ARGLU1: variants seen among roughly 807,000 people sequenced by gnomAD.
ARGLU1 encodes arginine and glutamate-rich protein 1.
Under a neutral mutation model 37.6 loss-of-function variants are expected in ARGLU1, and 9 were observed. The ratio of observed to expected loss-of-function variants is 0.24; its 90% confidence interval spans 0.14 to 0.42. The LOEUF is 0.42. Among genes scored for constraint, ARGLU1 ranks in the 10% least tolerant of loss-of-function variants. The pLI, the probability that ARGLU1 is intolerant of heterozygous loss-of-function variation, is 1.00. For synonymous variants in ARGLU1, 166 were observed against 138.5 expected (o/e 1.20, Z -1.39); for missense variants, 211 against 359.2 (o/e 0.59, Z 3.34).
At chr13:106,553,655 T>A (rs1180453614) in intron 3 of ARGLU1, among the ~76,000 whole-genome samples, 2 of 152,172 alleles carry the variant, frequency 1.3e-5, no homozygotes, top group Non-Finnish European at 2.9e-5. Context: ...GAGGGGGACA[T>A]TTCTTTGTTT....
chr13:106,559,499 T>C lies in ARGLU1; in HGVS notation c.506A>G (p.Glu169Gly). 1 of 1,614,206 alleles carries C rather than the reference T, an allele frequency of 6.2e-7. No homozygotes were observed. Among genetic ancestry groups the C allele is most frequent in the Non-Finnish European group, 8.5e-7 (1 of 1,180,032 alleles). Residue 169 changes from glutamate (E) to glycine (G), a missense_variant, in exon 2 of 4, where the codon GAA (glutamate) becomes GGA (glycine). Glu to Gly is a moderately conservative substitution (Grantham distance 98). Coordinates refer to ENST00000400198, the MANE Select transcript of ARGLU1 (RefSeq NM_018011.4). The stretch of plus-strand genomic sequence containing the variant: ...CTCGAGTTCTTCGAGCAACTGCTTT[T>C]CCATGATGCGTTTGGCTTCCTCCAC... Reference protein sequence around the residue: ...RRVEEAKRIMEKQLLEELERQ... With the variant: ...RRVEEAKRIMGKQLLEELERQ...
At chr13:106,564,889 A>G (rs1425552203) in intron 1 of ARGLU1, among the ~76,000 whole-genome samples, 1 of 152,192 alleles carries the variant, frequency 6.6e-6, no homozygotes, top group Non-Finnish European at 1.5e-5. Context: ...TACCTGCCAC[A>G]TGGTTGTTAC....
chr13:106,544,312 A>G (rs1765542255), intron 3 of ARGLU1, 152 bp from the exon 4 acceptor site: 1 of 561,300 alleles, frequency 1.8e-6, no homozygotes, highest in African/African-American at 2.0e-5. Context: ...TATGAATTAC[A>G]TGCCTTCAAA....
intron 3 of ARGLU1, among the ~76,000 whole-genome samples, chr13:106,546,169 T>G (rs1421953502): frequency 1.3e-5 from 2 of 152,230 alleles, no homozygotes; most frequent in African/African-American, 4.8e-5. Context: ...ACATATCTTT[T>G]GTACATCTAA....
Position 106,558,474 on chromosome 13 carries a change from A to G in ARGLU1, c.573+958T>C, listed in dbSNP as rs143595998. ...CAAATATTTCAGTTCAAGAAAATAC[A>G]ACTACAGGATTTCCTACATCACACA... On this transcript the variant is annotated intron_variant, in intron 2 of 3. Transcript: ENST00000400198. 2,515 of 985,416 alleles carry G rather than the reference A, an allele frequency of 2.6e-3. 8 individuals carry two copies. Among genetic ancestry groups the G allele is most frequent in the Middle Eastern group, 5.2e-3 (10 of 1,914 alleles). The allele number at this position is 985,416 out of a possible 1,614,324, so 61.0% of individuals were successfully genotyped here. A position where few individuals can be genotyped will look rare whatever the true frequency, so the allele number is the denominator to read the frequency against.
At chr13:106,545,501 TTC>T (rs1458033568) in intron 3 of ARGLU1, among the ~76,000 whole-genome samples, 1 of 152,194 alleles carries the variant, frequency 6.6e-6, no homozygotes, top group East Asian at 1.9e-4. Context: ...TTTAAAAACG[TTC>T]TCTCTTCTGA....
At chr13:106,558,229 CATT>C (rs1198697972) in intron 2 of ARGLU1, 32 of 984,404 alleles carry the variant, frequency 3.3e-5, no homozygotes, top group South Asian at 9.4e-5. Flanking sequence ...AAAATATCTT[CATT>C]ATTAAAAGCA....
In ARGLU1 at chr13:106,544,128, T is replaced by C; in HGVS notation, c.690A>G (p.Gln230=). ...TCATCCTTTCCTCATGAATCTTTCT[T>C]TGTTCTTCAACAATTCTCAACTGTT... ...AEEQLRIVEE[Q]RKIHEERMKL... is the part of the protein sequence containing the mutation. Residue 230 remains glutamine (Q), a synonymous_variant, in exon 4 of 4, where the codon CAA becomes CAG. Transcript: ENST00000400198. 1 of 1,593,544 alleles carries C rather than the reference T, an allele frequency of 6.3e-7. No individual in the cohort carries two copies. Among genetic ancestry groups the C allele is most frequent in the Non-Finnish European group, 8.5e-7 (1 of 1,174,514 alleles).
chr13:106,555,577 G>C (rs1462189913), intron 3 of ARGLU1, among the ~76,000 whole-genome samples: 1 of 152,164 alleles, frequency 6.6e-6, no homozygotes, highest in East Asian at 1.9e-4. Flanking sequence ...TTTTGCGAAA[G>C]TAGAGGTCTG....
chr13:106,552,829 T>C (rs1594190314), intron 3 of ARGLU1, among the ~76,000 whole-genome samples: 1 of 152,236 alleles, frequency 6.6e-6, no homozygotes, highest in South Asian at 2.1e-4. Context: ...CATATTTGGA[T>C]GCTTTTACTT....
At chr13:106,556,192 AAG>A (rs2138970908) in intron 3 of ARGLU1, among the ~76,000 whole-genome samples, 1 of 152,310 alleles carries the variant, frequency 6.6e-6, no homozygotes, top group East Asian at 1.9e-4. Flanking sequence ...AGCAGATTTT[AAG>A]ATTTTCTTCG....
chr13:106,555,166 T>A (rs1431608027), intron 3 of ARGLU1, among the ~76,000 whole-genome samples: 1 of 152,038 alleles, frequency 6.6e-6, no homozygotes. Context: ...GAGACCAGCC[T>A]GATCAACATG....
At chr13:106,544,670 TG>T (rs770777620) in intron 3 of ARGLU1, among the ~76,000 whole-genome samples, 1 of 152,058 alleles carries the variant, frequency 6.6e-6, no homozygotes, top group Non-Finnish European at 1.5e-5. Flanking sequence ...ATCTACCAAT[TG>T]CCATATTTAT....
At chr13:106,545,298 CTCTA>C (rs1397840080) in intron 3 of ARGLU1, among the ~76,000 whole-genome samples, 6 of 152,162 alleles carry the variant, frequency 3.9e-5, no homozygotes, top group Non-Finnish European at 5.9e-5. Flanking sequence ...CCTTTTTCCC[CTCTA>C]TCTGACAGTG....
At chr13:106,544,704 C>CAA (rs983289736) in intron 3 of ARGLU1, among the ~76,000 whole-genome samples, 4 of 151,780 alleles carry the variant, frequency 2.6e-5, no homozygotes, top group Admixed American at 2.6e-4. Flanking sequence ...TACACACACA[C>CAA]AAAAAAACAG....
chr13:106,565,524 T>C (rs187245550), intron 1 of ARGLU1, among the ~76,000 whole-genome samples: 1 of 152,358 alleles, frequency 6.6e-6, no homozygotes, highest in African/African-American at 2.4e-5. Flanking sequence ...GGGCCAATCA[T>C]CTTTATATTA....
In ARGLU1 at chr13:106,558,413, G is replaced by C. The variant is rs1321337566; in HGVS notation, c.573+1019C>G. 7 of 985,218 alleles carry C rather than the reference G, an allele frequency of 7.1e-6. No individual in the cohort carries two copies. The South Asian group carries it at 3.3e-4, about 46-fold the overall frequency. 61.0% of individuals were successfully genotyped at this position (985,218 alleles called of 1,614,324 possible). ...GTCAACTTGTCCACAATAATGCCAA[G>C]ATGAAAAATGACAATGAGTCTTAAT... On this transcript the variant is annotated intron_variant, in intron 2 of 3. Coordinates refer to ENST00000400198, the MANE Select transcript of ARGLU1 (RefSeq NM_018011.4).
intron 3 of ARGLU1, among the ~76,000 whole-genome samples, chr13:106,548,929 T>C (rs1277056526): frequency 6.6e-6 from 1 of 152,160 alleles, no homozygotes; most frequent in Non-Finnish European, 1.5e-5. Flanking sequence ...TTTTGTAGTA[T>C]TTTAGTAGAG....
chr13:106,552,167 C>T (rs947254180), intron 3 of ARGLU1, among the ~76,000 whole-genome samples: 1 of 152,206 alleles, frequency 6.6e-6, no homozygotes, highest in African/African-American at 2.4e-5. Flanking sequence ...AACTTTCAAA[C>T]ATGGCATATC....
Sources: allele counts gnomAD v4.1 joint callset (sites outside exome capture counted in the v4.1 genomes callset), GRCh38; gene constraint gnomAD v4.1.1; transcripts MANE v1.5; gene names NCBI Gene and HGNC (gene_info 2026-07-23, HGNC 2026-07-21).